Variants in CENPW observed in about 807,000 individuals in gnomAD.
CENPW encodes the protein cancer-up-regulated gene 2 protein.
Under a neutral mutation model 11.1 loss-of-function variants are expected in CENPW, and 3 were observed. That is an observed-to-expected ratio of 0.27 (90% confidence interval 0.12 to 0.70). The LOEUF (loss-of-function observed/expected upper bound fraction) is 0.70, where lower values mean the gene tolerates loss of function less well. Ranked by LOEUF, CENPW falls within the 30% of genes least tolerant of loss-of-function variation. CENPW has a pLI of 0.77. For missense variants in CENPW, 100 were observed against 105.6 expected, an observed-to-expected ratio of 0.95 and a Z score of 0.23; for synonymous variants, 38 against 42.0, an observed-to-expected ratio of 0.91 and a Z score of 0.37.
chr6:126,344,369 A>G (rs913909457), intron 1 of CENPW, among the ~76,000 whole-genome samples: 1 of 152,222 alleles, frequency 6.6e-6, no homozygotes, highest in East Asian at 1.9e-4. Flanking sequence ...CAAAAGGCCT[A>G]GTGTAGAACT....
the CENPW span, among the ~76,000 whole-genome samples, chr6:126,471,290 C>T: frequency 2.0e-5 from 3 of 152,086 alleles, no homozygotes; most frequent in Admixed American, 1.3e-4. Context: ...GACAGATTCC[C>T]TGCATGCACT....
chr6:126,410,457 C>T, the CENPW span, among the ~76,000 whole-genome samples: 6 of 151,962 alleles, frequency 3.9e-5, no homozygotes, highest in Admixed American at 2.6e-4. Flanking sequence ...GACAATTTGA[C>T]TATTTTGTGC....
the CENPW span, among the ~76,000 whole-genome samples, chr6:126,390,409 A>T: frequency 6.6e-6 from 1 of 151,974 alleles, no homozygotes; most frequent in Non-Finnish European, 1.5e-5. Context: ...ATGCACAATA[A>T]TAACACAAAG....
the CENPW span, among the ~76,000 whole-genome samples, chr6:126,372,153 C>T: frequency 1.3e-5 from 2 of 151,756 alleles, no homozygotes; most frequent in Non-Finnish European, 1.5e-5. Context: ...TCTTGTTTCT[C>T]TAGTTCCTTG....
chr6:126,396,942 C>A, the CENPW span, among the ~76,000 whole-genome samples: 4 of 151,780 alleles, frequency 2.6e-5, no homozygotes, highest in Non-Finnish European at 5.9e-5. Flanking sequence ...AGACAAAGTT[C>A]TTTTTACTCT....
the CENPW span, among the ~76,000 whole-genome samples, chr6:126,386,369 A>T: frequency 5.7e-4 from 87 of 152,214 alleles, 1 homozygote; most frequent in East Asian, 0.016. Context: ...ATCTGCTGCC[A>T]TGTTCCATCC....
At chr6:126,389,088 GA>G in the CENPW span, among the ~76,000 whole-genome samples, 2 of 151,936 alleles carry the variant, frequency 1.3e-5, no homozygotes, top group African/African-American at 4.8e-5. Context: ...GTTGTTCTTT[GA>G]AACAATCTGT....
chr6:126,462,748 A>G, the CENPW span, among the ~76,000 whole-genome samples: 1 of 152,020 alleles, frequency 6.6e-6, no homozygotes, highest in African/African-American at 2.4e-5. Context: ...ATTGTAATAT[A>G]TACAGGCATT....
the CENPW span, among the ~76,000 whole-genome samples, chr6:126,354,223 A>C: frequency 6.6e-6 from 1 of 152,226 alleles, no homozygotes; most frequent in Non-Finnish European, 1.5e-5. Flanking sequence ...TAAGCACCTT[A>C]ATGTAATTAG....
At chr6:126,481,608 T>C in the CENPW span, among the ~76,000 whole-genome samples, 1 of 152,078 alleles carries the variant, frequency 6.6e-6, no homozygotes, top group African/African-American at 2.4e-5. Flanking sequence ...CCTTAATGTA[T>C]TCATGTGGGC....
At chr6:126,477,075 G>A in the CENPW span, among the ~76,000 whole-genome samples, 1 of 151,968 alleles carries the variant, frequency 6.6e-6, no homozygotes, top group Non-Finnish European at 1.5e-5. Flanking sequence ...TTCAAAACAT[G>A]AGGATAACAC....
At chr6:126,368,199 G>A in the CENPW span, among the ~76,000 whole-genome samples, 13 of 152,226 alleles carry the variant, frequency 8.5e-5, no homozygotes, top group South Asian at 2.7e-3. Flanking sequence ...TTCCGCACTG[G>A]GGGAATAAAA....
At chr6:126,357,173 C>T in the CENPW span, among the ~76,000 whole-genome samples, 9 of 120,458 alleles carry the variant, frequency 7.5e-5, no homozygotes, top group Admixed American at 9.3e-4. Context: ...TATCCCAGCA[C>T]CATTTATTGA....
At chr6:126,442,460 T>C in the CENPW span, among the ~76,000 whole-genome samples, 2 of 151,410 alleles carry the variant, frequency 1.3e-5, no homozygotes, top group Non-Finnish European at 3.0e-5. Context: ...ATCTTCACAA[T>C]CTATACATCC....
At chr6:126,454,819 A>G in the CENPW span, among the ~76,000 whole-genome samples, 3 of 151,140 alleles carry the variant, frequency 2.0e-5, no homozygotes, top group African/African-American at 7.3e-5. Context: ...AGATTGATAG[A>G]CCACTAGCTA....
chr6:126,456,786 T>C, the CENPW span, among the ~76,000 whole-genome samples: 2 of 151,326 alleles, frequency 1.3e-5, no homozygotes, highest in African/African-American at 4.9e-5. Context: ...TGGGAGAAAA[T>C]ATGCAAACTA....
downstream of CENPW, among the ~76,000 whole-genome samples, chr6:126,351,179 G>C (rs1038777444): frequency 7.0e-6 from 1 of 143,388 alleles, no homozygotes; most frequent in African/African-American, 2.5e-5. Flanking sequence ...TGTGTAAGTG[G>C]AGTAGGATGA....
chr6:126,482,622 A>C, the CENPW span, among the ~76,000 whole-genome samples: 1 of 151,958 alleles, frequency 6.6e-6, no homozygotes, highest in Non-Finnish European at 1.5e-5. Flanking sequence ...TCCTTTATAC[A>C]TTGAATTGCA....
the CENPW span, among the ~76,000 whole-genome samples, chr6:126,418,411 A>T: frequency 6.6e-6 from 1 of 152,234 alleles, no homozygotes; most frequent in Non-Finnish European, 1.5e-5. Context: ...GAATATTTTC[A>T]GCAAAATATT....
Sources: gnomAD v4.1 joint callset for allele counts (sites outside exome capture counted in the v4.1 genomes callset) on GRCh38, gnomAD v4.1.1 for gene constraint, MANE v1.5 for transcripts, NCBI Gene and HGNC (gene_info 2026-07-23, HGNC 2026-07-21) for gene names.